Variants in TSBP1 observed in about 807,000 individuals in gnomAD.
TSBP1 encodes testis expressed basic protein 1.
TSBP1 carries 56 observed loss-of-function variants against 68.8 expected under a neutral mutation model. That is an observed-to-expected ratio of 0.81 (90% CI 0.66 to 1.02). TSBP1 has a LOEUF of 1.02. Among genes scored for constraint, TSBP1 ranks in the 50% least tolerant of loss-of-function variants. TSBP1 has a pLI of 0.00. For synonymous variants in TSBP1, 171 were observed against 208.7 expected (o/e 0.82, Z 1.56); for missense variants, 502 against 641.2 (o/e 0.78, Z 2.34).
Position 32,315,850 on chromosome 6 carries a change from A to T in TSBP1, c.560-58T>A. The T allele has an allele frequency of 8.8e-7, 1 of 1,131,764 alleles. No homozygotes were observed. 70.1% of individuals were successfully genotyped at this position (1,131,764 alleles called of 1,614,324 possible). Reference sequence around the variant, plus strand: ...TTTTCTCAAATGGAGAAAACATAGCATTATCTAACATATTTTGTTGGAGTC... The same window carrying T: ...TTTTCTCAAATGGAGAAAACATAGCTTTATCTAACATATTTTGTTGGAGTC... On this transcript the variant is annotated intron_variant, in intron 18 of 22. Coordinates refer to ENST00000612031, the Ensembl canonical transcript of TSBP1. This position sits in a 1 kb window ranked among gnomAD's most constrained non-coding sequence, Gnocchi z 5.4.
rs778035132 is a variant in TSBP1, at chr6:32,300,679, C to T, written c.622+1G>A. ...AAGGCAAGGAAATGATCCAAACTTA[C>T]TGATTTTTCCAGAACTGTCCACTGA... On this transcript the variant is annotated splice_donor_variant, in intron 21 of 22. Transcript: ENST00000612031. LOFTEE classifies it high-confidence loss of function. 1 of 1,612,622 alleles carries T rather than the reference C, an allele frequency of 6.2e-7. No homozygotes were observed. The highest frequency in any genetic ancestry group is 2.2e-5 in the East Asian group (1 of 44,868).
intron 16 of TSBP1, 128 bp downstream of exon 17, chr6:32,330,461 A>C (rs1201782752): frequency 8.9e-6 from 7 of 785,270 alleles, no homozygotes; most frequent in Non-Finnish European, 1.4e-5. Context: ...GAAGCATAAA[A>C]ACATGTGTAA....
exon 1 of TSBP1, chr6:32,371,735 G>C (rs757871279): frequency 6.2e-7 from 1 of 1,613,190 alleles, no homozygotes; most frequent in Non-Finnish European, 8.5e-7. Context: ...ATCAGGTCTC[G>C]CATCATCTGG....
At chr6:32,347,324 A>G (rs3117129) in intron 9 of TSBP1, among the ~76,000 whole-genome samples, 115,197 of 151,886 alleles carry the variant, frequency 0.76, 43,876 homozygotes, top group South Asian at 0.86. Flanking sequence ...CCACCATGCC[A>G]GCTAATTTTT....
At chr6:32,362,457 G>A (rs1773175029) in intron 6 of TSBP1, among the ~76,000 whole-genome samples, 2 of 152,172 alleles carry the variant, frequency 1.3e-5, no homozygotes, top group South Asian at 4.1e-4. Context: ...CTCCATAACT[G>A]TAAGAAATAA....
At chr6:32,305,384 T>G (rs1203408270) in intron 19 of TSBP1, among the ~76,000 whole-genome samples, 1 of 152,168 alleles carries the variant, frequency 6.6e-6, no homozygotes, top group African/African-American at 2.4e-5. Context: ...AGTCACAGAT[T>G]AGAAGAAGTT....
rs141727776 is a variant in TSBP1, at chr6:32,299,918, T to A, written c.637+4A>T. On this transcript the variant is annotated splice_donor_region_variant and intron_variant, in intron 22 of 22. Coordinates refer to ENST00000612031, the Ensembl canonical transcript of TSBP1. ...TCAGAGTTGAGAATAGATATGGAAC[T>A]TACCCACAGGAGTCAGTGCTAAAAA... The A allele has an allele frequency of 6.2e-7, 1 of 1,608,242 alleles. No homozygotes were observed. The highest frequency in any genetic ancestry group is 8.5e-7 in the Non-Finnish European group (1 of 1,174,662).
chr6:32,337,366 C>G lies in TSBP1; in HGVS notation c.410-731G>C, dbSNP rs973036. Among the ~76,000 whole-genome samples the G allele has an allele frequency of 0.34, 51,194 of 151,766 alleles. 9,643 individuals are homozygous for G. The highest frequency in any genetic ancestry group is 0.52 in the Middle Eastern group (153 of 294). On this transcript the variant is annotated intron_variant, in intron 11 of 22. Coordinates refer to ENST00000612031, the Ensembl canonical transcript of TSBP1. The surrounding 1 kb of genome is among the most constrained non-coding windows in gnomAD (Gnocchi z 5.5). ...CAGGCAGCGTTCCTTCCCCTTTCCC[C>G]ACGGGTGTCCTGCTTGTATCTCAGG...
chr6:32,295,349 C>CAAAAAAAAAAAAAAAAAAAAA (rs3038432), intron 22 of TSBP1, among the ~76,000 whole-genome samples: 1 of 90,846 alleles, frequency 1.1e-5, no homozygotes. Flanking sequence ...CACACACACA[C>CAAAAAAAAAAAAAAAAAAAAA]AAAAAAAAAA....
intron 19 of TSBP1, among the ~76,000 whole-genome samples, chr6:32,310,761 A>ATATTTTTTTT: frequency 7.6e-5 from 11 of 144,834 alleles, no homozygotes; most frequent in East Asian, 2.0e-4. Flanking sequence ...ATATATATAT[A>ATATTTTTTTT]TTTTTAATCT....
chr6:32,339,006 T>C lies in TSBP1; in HGVS notation c.389-7A>G. 1.2e-5 allele frequency: 20 copies of C among 1,611,188 alleles called. No homozygotes were observed. Among genetic ancestry groups the C allele is most frequent in the Non-Finnish European group, 1.7e-5 (20 of 1,178,462 alleles). ...ATGGCTCCTGCAGTTCTGGCTAAAA[T>C]ACAAACAAAAAAGGTGAGTTTGAAG... On this transcript the variant is annotated splice_region_variant and splice_polypyrimidine_tract_variant and intron_variant, in intron 10 of 22. Coordinates refer to ENST00000612031, the Ensembl canonical transcript of TSBP1.
At chr6:32,350,994 T>C (rs188757604) in intron 8 of TSBP1, among the ~76,000 whole-genome samples, 23 of 152,334 alleles carry the variant, frequency 1.5e-4, no homozygotes, top group Admixed American at 1.5e-3. Context: ...GCAGTCTTGC[T>C]GACAACCTGA....
intron 9 of TSBP1, among the ~76,000 whole-genome samples, chr6:32,342,191 G>A (rs1264916950): frequency 4.1e-5 from 6 of 146,352 alleles, no homozygotes; most frequent in South Asian, 2.2e-4. Flanking sequence ...TTGAGATGGA[G>A]TCTCACTCTG....
chr6:32,362,151 T>C (rs1476077070), intron 6 of TSBP1, among the ~76,000 whole-genome samples: 1 of 151,842 alleles, frequency 6.6e-6, no homozygotes, highest in Non-Finnish European at 1.5e-5. Flanking sequence ...TAGCCGGGCG[T>C]AGTGGCAGGC....
At chr6:32,305,424 C>A (rs1384595924) in intron 19 of TSBP1, among the ~76,000 whole-genome samples, 1 of 152,194 alleles carries the variant, frequency 6.6e-6, no homozygotes, top group African/African-American at 2.4e-5. Flanking sequence ...TGAATGCACA[C>A]TTACACGTAG....
intron 8 of TSBP1, among the ~76,000 whole-genome samples, chr6:32,351,860 G>A (rs9268301): frequency 0.29 from 43,652 of 151,700 alleles, 6,985 homozygotes; most frequent in Middle Eastern, 0.39. Context: ...TAAATGCAGA[G>A]CACAAAAATA....
At chr6:32,329,804 A>G (rs1406151876) in intron 16 of TSBP1, among the ~76,000 whole-genome samples, 14 of 152,028 alleles carry the variant, frequency 9.2e-5, no homozygotes, top group Admixed American at 9.2e-4. Flanking sequence ...AAACTTTCTA[A>G]TGCTATCCCT....
At chr6:32,327,472 T>C (rs1420497290) in intron 16 of TSBP1, among the ~76,000 whole-genome samples, 1 of 152,114 alleles carries the variant, frequency 6.6e-6, no homozygotes, top group Non-Finnish European at 1.5e-5. Flanking sequence ...TGCCTTACTT[T>C]GTGCTTTGTA....
chr6:32,349,510 A>T, intron 9 of TSBP1: 2 of 473,160 alleles, frequency 4.2e-6, no homozygotes, highest in Non-Finnish European at 7.4e-6. Flanking sequence ...CCAACACTTC[A>T]GGTTTGGAAA....
Sources: allele counts gnomAD v4.1 joint callset (sites outside exome capture counted in the v4.1 genomes callset), GRCh38; gene constraint gnomAD v4.1.1; non-coding constraint Gnocchi (gnomAD v3.1); transcripts MANE v1.5; gene names NCBI Gene and HGNC (gene_info 2026-07-23, HGNC 2026-07-21).